The following MLLT3 variants were observed in gnomAD, a reference collection of about 807,000 sequenced individuals.
The protein encoded by MLLT3 is MLLT3 super elongation complex subunit.
Under a neutral mutation model 53.2 loss-of-function variants are expected in MLLT3, and 4 were observed. That is an observed-to-expected ratio of 0.08 (90% CI 0.04 to 0.17). The LOEUF (loss-of-function observed/expected upper bound fraction) is 0.17, where lower values mean the gene tolerates loss of function less well. MLLT3 is among the 10% of genes least tolerant of loss of function. The probability of loss-of-function intolerance (pLI) is 1.00; values close to 1 mark genes in which losing one functional copy is unlikely to be tolerated. For synonymous variants in MLLT3, 283 were observed against 230.6 expected (o/e 1.23, Z -2.06); for missense variants, 569 against 684.0 (o/e 0.83, Z 1.87).
chr9:20,374,488 G>A (rs1821701845), intron 5 of MLLT3, among the ~76,000 whole-genome samples: 2 of 152,162 alleles, frequency 1.3e-5, no homozygotes, highest in African/African-American at 4.8e-5. Flanking sequence ...AAAATATTGA[G>A]ATAGCTATGC....
At chr9:20,543,631 G>C (rs1818702157) in intron 2 of MLLT3, among the ~76,000 whole-genome samples, 1 of 151,702 alleles carries the variant, frequency 6.6e-6, no homozygotes, top group South Asian at 2.1e-4. Context: ...AGAAGAATGA[G>C]ACCCTGTCCC....
At chr9:20,479,427 A>C (rs1045272812) in intron 2 of MLLT3, among the ~76,000 whole-genome samples, 22 of 152,192 alleles carry the variant, frequency 1.4e-4, no homozygotes, top group African/African-American at 4.8e-4. Context: ...AAGAGGGAAA[A>C]TGGGTGATTT....
chr9:20,428,986 A>G (rs1823200276), intron 4 of MLLT3, among the ~76,000 whole-genome samples: 1 of 152,184 alleles, frequency 6.6e-6, no homozygotes, highest in Non-Finnish European at 1.5e-5. Context: ...AAATCTTCCT[A>G]CAAAGAAAAC....
At chr9:20,525,413 T>C (rs1343831618) in intron 2 of MLLT3, among the ~76,000 whole-genome samples, 1 of 152,182 alleles carries the variant, frequency 6.6e-6, no homozygotes, top group Non-Finnish European at 1.5e-5. Flanking sequence ...TGAGAATTGC[T>C]TGAACCCGGA....
chr9:20,369,403 A>G (rs992287206), intron 5 of MLLT3, among the ~76,000 whole-genome samples: 1 of 152,232 alleles, frequency 6.6e-6, no homozygotes, highest in African/African-American at 2.4e-5. Context: ...AATTTAAGAA[A>G]GCATGACTAT....
At chr9:20,457,796 T>A (rs1252386444) in intron 2 of MLLT3, among the ~76,000 whole-genome samples, 2 of 152,210 alleles carry the variant, frequency 1.3e-5, no homozygotes, top group South Asian at 2.1e-4. Context: ...TGAGAGACCC[T>A]AAGAAGCCAA....
In MLLT3 at chr9:20,414,354, G is replaced by A. The variant is rs767061892; in HGVS notation, c.492C>T (p.Ser164=). ...SSSSSSSSSS[S]SSSSSSSSSS... ...TGCTGCTGCTGCTGCTACTGCTGCTGCTGCTGCTGCTGCTGCTGCTGCTAC... is the reference window on the plus strand; with the variant it reads ...TGCTGCTGCTGCTGCTACTGCTGCTACTGCTGCTGCTGCTGCTGCTGCTAC... The change falls in exon 5 of 11, where the codon AGC becomes AGT. Residue 164 remains serine, a synonymous_variant. Transcript: ENST00000380338. 3 of 1,602,952 alleles carry A rather than the reference G, an allele frequency of 1.9e-6. No homozygotes were observed. Among genetic ancestry groups the A allele is most frequent in the South Asian group, 2.2e-5 (2 of 90,434 alleles).
chr9:20,379,736 T>G (rs1237308686), intron 5 of MLLT3, among the ~76,000 whole-genome samples: 1 of 151,952 alleles, frequency 6.6e-6, no homozygotes, highest in Non-Finnish European at 1.5e-5. Flanking sequence ...ACTCACCCAT[T>G]CACTCCAGTT....
chr9:20,365,315 A>T (rs943962623), intron 6 of MLLT3, among the ~76,000 whole-genome samples: 2 of 152,018 alleles, frequency 1.3e-5, no homozygotes, highest in African/African-American at 4.8e-5. Context: ...AAATCAAGAC[A>T]TTAAGATGGT....
At chr9:20,371,795 T>C (rs1049748730) in intron 5 of MLLT3, among the ~76,000 whole-genome samples, 2 of 152,258 alleles carry the variant, frequency 1.3e-5, no homozygotes, top group African/African-American at 4.8e-5. Flanking sequence ...TTTCAAGTTT[T>C]ATTATTTAAG....
At position 20,534,860 on chromosome 9, in the gene MLLT3, T is replaced by C. The variant is rs181829139; in HGVS notation, c.194-78074A>G. On this transcript the variant is annotated intron_variant, in intron 2 of 10. Coordinates refer to ENST00000380338, the MANE Select transcript of MLLT3 (RefSeq NM_004529.4). ...GAGATGATGCCACTGCACTCTAGCCTGGGGGACAGGGCAAGACTCCATCTC... is the reference window on the plus strand; with the variant it reads ...GAGATGATGCCACTGCACTCTAGCCCGGGGGACAGGGCAAGACTCCATCTC... Among the ~76,000 whole-genome samples, 431 of 151,944 alleles carry C rather than the reference T, an allele frequency of 2.8e-3. 2 individuals carry two copies. The highest frequency in any genetic ancestry group is 4.7e-3 in the Non-Finnish European group (320 of 67,978).
intron 2 of MLLT3, among the ~76,000 whole-genome samples, chr9:20,479,493 T>G (rs1003766870): frequency 1.3e-5 from 2 of 152,144 alleles, no homozygotes; most frequent in East Asian, 3.9e-4. Flanking sequence ...TAGGGTCCAG[T>G]TCTAAGCTGA....
intron 4 of MLLT3, among the ~76,000 whole-genome samples, chr9:20,440,281 C>T (rs1177486832): frequency 6.6e-6 from 1 of 152,032 alleles, no homozygotes; most frequent in Non-Finnish European, 1.5e-5. Flanking sequence ...TGGCTATATC[C>T]CCTGTGGTAA....
At chr9:20,528,040 G>T (rs1818245209) in intron 2 of MLLT3, among the ~76,000 whole-genome samples, 1 of 152,196 alleles carries the variant, frequency 6.6e-6, no homozygotes. Flanking sequence ...TATCTGTAAC[G>T]TTTTTAGAAA....
chr9:20,583,204 C>T (rs1819847829), intron 2 of MLLT3, among the ~76,000 whole-genome samples: 1 of 152,164 alleles, frequency 6.6e-6, no homozygotes, highest in South Asian at 2.1e-4. Flanking sequence ...AAATGATCTC[C>T]TTTGACTCCA....
At chr9:20,460,673 A>C (rs1407833618) in intron 2 of MLLT3, among the ~76,000 whole-genome samples, 1 of 152,170 alleles carries the variant, frequency 6.6e-6, no homozygotes, top group African/African-American at 2.4e-5. Context: ...GAGCCAAATA[A>C]TATGTACCCA....
At chr9:20,397,274 T>C (rs1422107082) in intron 5 of MLLT3, among the ~76,000 whole-genome samples, 1 of 152,182 alleles carries the variant, frequency 6.6e-6, no homozygotes, top group Admixed American at 6.5e-5. Context: ...TTTTTGTACA[T>C]TATTGGTTTC....
At chr9:20,591,666 C>G (rs1175502760) in intron 2 of MLLT3, among the ~76,000 whole-genome samples, 1 of 152,120 alleles carries the variant, frequency 6.6e-6, no homozygotes, top group African/African-American at 2.4e-5. Context: ...ACTGTGAACT[C>G]ACCATTTAGG....
intron 2 of MLLT3, among the ~76,000 whole-genome samples, chr9:20,567,055 T>C (rs1416370790): frequency 1.3e-5 from 2 of 151,930 alleles, no homozygotes; most frequent in African/African-American, 2.4e-5. Flanking sequence ...AACCTCAGAA[T>C]AGATCATTTA....
Sources: gnomAD v4.1 joint callset for allele counts (sites outside exome capture counted in the v4.1 genomes callset) on GRCh38, gnomAD v4.1.1 for gene constraint, MANE v1.5 for transcripts, NCBI Gene and HGNC (gene_info 2026-07-23, HGNC 2026-07-21) for gene names.